LARGE1: variants seen among roughly 807,000 people sequenced by gnomAD.
The protein encoded by LARGE1 is xylosyl- and glucuronyltransferase LARGE1.
In LARGE1, 43 loss-of-function variants were observed where a neutral mutation model predicts 87.6. That is an observed-to-expected ratio of 0.49 (90% CI 0.38 to 0.63). The LOEUF (loss-of-function observed/expected upper bound fraction) is 0.63. LARGE1 is among the 30% of genes least tolerant of loss of function. LARGE1 has a pLI of 0.00. For missense variants in LARGE1, 802 were observed against 1,000.2 expected (o/e 0.80, Z 2.67); for synonymous variants, 434 against 394.6 (o/e 1.10, Z -1.18).
chr22:33,349,402 T>G (rs73403305), intron 9 of LARGE1, among the ~76,000 whole-genome samples: 15 of 152,364 alleles, frequency 9.8e-5, no homozygotes, highest in African/African-American at 3.6e-4. Flanking sequence ...GTGCTTGTGA[T>G]GTGAATCAAG....
chr22:33,089,381 CTTCT>C, the LARGE1 span, among the ~76,000 whole-genome samples: 1 of 136,606 alleles, frequency 7.3e-6, no homozygotes, highest in African/African-American at 2.7e-5. Context: ...CCTTCTTCTT[CTTCT>C]TCCTCTTCTT....
intron 11 of LARGE1, among the ~76,000 whole-genome samples, chr22:33,308,807 T>C (rs989754418): frequency 1.3e-5 from 2 of 152,144 alleles, no homozygotes; most frequent in African/African-American, 4.8e-5. Flanking sequence ...CTCATTCCAG[T>C]TCTTGTACTA....
intron 5 of LARGE1, among the ~76,000 whole-genome samples, chr22:33,581,268 C>T (rs908528131): frequency 2.0e-5 from 3 of 152,232 alleles, no homozygotes; most frequent in Admixed American, 1.3e-4. Context: ...AACACCAGTA[C>T]CTAATGCTGG....
intron 9 of LARGE1, among the ~76,000 whole-genome samples, chr22:33,379,171 G>A (rs1401652624): frequency 7.6e-6 from 1 of 131,258 alleles, no homozygotes; most frequent in Non-Finnish European, 1.6e-5. Context: ...CAGTGGGGAA[G>A]TTCTTTTTTT....
At chr22:33,541,073 G>GGGGGGGTGGGGGGGGGGGGGT in intron 6 of LARGE1, among the ~76,000 whole-genome samples, 1 of 99,382 alleles carries the variant, frequency 1.0e-5, no homozygotes, top group Non-Finnish European at 2.1e-5. Context: ...GGGGGCGGGG[G>GGGGGGGTGGGGGGGGGGGGGT]GCGGGTTGCA....
At chr22:33,119,061 G>A in the LARGE1 span, among the ~76,000 whole-genome samples, 1 of 152,214 alleles carries the variant, frequency 6.6e-6, no homozygotes, top group Non-Finnish European at 1.5e-5. Context: ...TGGAGCAAAA[G>A]GGCTATGGGT....
intron 6 of LARGE1, among the ~76,000 whole-genome samples, chr22:33,531,140 C>T (rs1301906269): frequency 6.6e-6 from 1 of 152,168 alleles, no homozygotes; most frequent in Non-Finnish European, 1.5e-5. Flanking sequence ...ATCACCTACT[C>T]CATGTGCAGC....
chr22:33,666,706 G>C (rs1467146242), intron 2 of LARGE1, among the ~76,000 whole-genome samples: 1 of 152,198 alleles, frequency 6.6e-6, no homozygotes, highest in African/African-American at 2.4e-5. Context: ...AGGCTGGTCT[G>C]AGGCAGCAGT....
At chr22:33,351,418 A>G (rs1940364715) in intron 9 of LARGE1, among the ~76,000 whole-genome samples, 1 of 152,212 alleles carries the variant, frequency 6.6e-6, no homozygotes, top group Non-Finnish European at 1.5e-5. Context: ...CAACCATACT[A>G]TTACTTATTT....
the LARGE1 span, chr22:33,108,647 C>T: frequency 3.3e-5 from 5 of 151,870 alleles, no homozygotes; most frequent in Admixed American, 3.3e-4. Flanking sequence ...AACTCTATGG[C>T]GAAGATTTTT....
intron 5 of LARGE1, among the ~76,000 whole-genome samples, chr22:33,568,323 C>T (rs894795683): frequency 4.6e-5 from 7 of 152,162 alleles, no homozygotes; most frequent in Non-Finnish European, 7.3e-5. Flanking sequence ...GAAACCAGAG[C>T]GAAAGCGAGA....
intron 12 of LARGE1, among the ~76,000 whole-genome samples, chr22:33,290,730 C>T (rs558153083): frequency 2.1e-4 from 32 of 152,216 alleles, no homozygotes; most frequent in African/African-American, 7.2e-4. Context: ...GGTGTGAGGG[C>T]CATGGCCATT....
At chr22:33,179,795 A>C (rs1032387300) in intron 11 of LARGE1, among the ~76,000 whole-genome samples, 2 of 151,592 alleles carry the variant, frequency 1.3e-5, no homozygotes, top group Middle Eastern at 3.2e-3. Flanking sequence ...TTTCAAATAC[A>C]ATTTCCTCCT....
At chr22:33,871,707 A>G (rs771779500) in intron 1 of LARGE1, among the ~76,000 whole-genome samples, 8 of 152,056 alleles carry the variant, frequency 5.3e-5, no homozygotes, top group Admixed American at 1.3e-4. Context: ...GTCTTCCCTC[A>G]TTCTCTTTTT....
the LARGE1 span, among the ~76,000 whole-genome samples, chr22:33,079,726 A>G: frequency 6.6e-6 from 1 of 152,158 alleles, no homozygotes; most frequent in Admixed American, 6.5e-5. Context: ...TTGGCAATAA[A>G]TGAGTTGTCC....
At chr22:33,840,697 G>A (rs543354301) in intron 1 of LARGE1, among the ~76,000 whole-genome samples, 1 of 151,722 alleles carries the variant, frequency 6.6e-6, no homozygotes, top group Non-Finnish European at 1.5e-5. Flanking sequence ...CTGGGAAAGG[G>A]TCTCGCTCAG....
At chr22:33,356,754 G>C (rs1000046834) in intron 9 of LARGE1, among the ~76,000 whole-genome samples, 2 of 151,994 alleles carry the variant, frequency 1.3e-5, no homozygotes, top group African/African-American at 4.8e-5. Flanking sequence ...GGGCAATAGA[G>C]TGAGACTCCA....
intron 1 of LARGE1, among the ~76,000 whole-genome samples, chr22:33,796,636 C>T (rs2085993209): frequency 6.6e-6 from 1 of 152,040 alleles, no homozygotes; most frequent in South Asian, 2.1e-4. Context: ...TACCAACACA[C>T]CATTAAAGAA....
At chr22:33,585,286 G>C (rs1405984529) in intron 5 of LARGE1, among the ~76,000 whole-genome samples, 1 of 152,092 alleles carries the variant, frequency 6.6e-6, no homozygotes, top group African/African-American at 2.4e-5. Context: ...CCTATCCAGA[G>C]AGCTACACTT....
Sources: allele counts gnomAD v4.1 joint callset (sites outside exome capture counted in the v4.1 genomes callset), GRCh38; gene constraint gnomAD v4.1.1; transcripts MANE v1.5; gene names NCBI Gene and HGNC (gene_info 2026-07-23, HGNC 2026-07-21).